The following SV2B variants were observed in gnomAD, a reference collection of about 807,000 sequenced individuals.
The protein encoded by SV2B is synaptic vesicle glycoprotein 2B, also known as solute carrier family 22 member B2.
SV2B carries 41 observed loss-of-function variants against 73.9 expected under a neutral mutation model. That is an observed-to-expected ratio of 0.56 (90% CI 0.43 to 0.72). SV2B has a LOEUF of 0.72. SV2B is among the 30% of genes least tolerant of loss of function. SV2B has a pLI of 0.00. For synonymous variants in SV2B, 314 were observed against 314.2 expected (o/e 1.00, Z 0.01); for missense variants, 764 against 857.8 (o/e 0.89, Z 1.37).
At chr15:91,104,495 G>A (rs534006093) in intron 1 of SV2B, among the ~76,000 whole-genome samples, 12 of 152,310 alleles carry the variant, frequency 7.9e-5, no homozygotes, top group South Asian at 2.1e-4. Flanking sequence ...GCCCAGAGTG[G>A]AAAGTTAGGA....
intron 1 of SV2B, among the ~76,000 whole-genome samples, chr15:91,153,645 G>T (rs1239786439): frequency 6.6e-6 from 1 of 152,132 alleles, no homozygotes; most frequent in Non-Finnish European, 1.5e-5. Context: ...CACCTGCCAA[G>T]GGCCGGTGCC....
At chr15:91,114,087 G>T (rs1477014678) in intron 1 of SV2B, among the ~76,000 whole-genome samples, 1 of 150,926 alleles carries the variant, frequency 6.6e-6, no homozygotes, top group African/African-American at 2.4e-5. Flanking sequence ...GGGAGGCTGA[G>T]GCAGGAGAAT....
rs1231682747 is a variant in SV2B at position 91,140,644 on chromosome 15, C to T, written c.-392+40281C>T. 1.3e-5 allele frequency among the ~76,000 whole-genome samples: 2 copies of T among 152,168 alleles called. No homozygotes were observed. The highest frequency in any genetic ancestry group is 2.9e-5 in the Non-Finnish European group (2 of 68,042). ...CCAACAGAGTGGAGAACATGTCTGACAGTCAGTTTTTCTTTCCACACTAGG... is the reference window on the plus strand; with the variant it reads ...CCAACAGAGTGGAGAACATGTCTGATAGTCAGTTTTTCTTTCCACACTAGG... On this transcript the variant is annotated intron_variant, in intron 1 of 12. Coordinates refer to ENST00000394232, the MANE Select transcript of SV2B (RefSeq NM_001323032.3). This position sits in a 1 kb window ranked among gnomAD's most constrained non-coding sequence, Gnocchi z 4.4.
chr15:91,251,423 T>C (rs2047476085), intron 2 of SV2B, among the ~76,000 whole-genome samples: 1 of 152,222 alleles, frequency 6.6e-6, no homozygotes, highest in African/African-American at 2.4e-5. Flanking sequence ...CTTCCTAATA[T>C]CCACTTTGCC....
chr15:91,155,946 C>T (rs947303015), intron 1 of SV2B, among the ~76,000 whole-genome samples: 1 of 152,010 alleles, frequency 6.6e-6, no homozygotes, highest in Non-Finnish European at 1.5e-5. Context: ...CTCTCAACAC[C>T]ATATTCTCTC....
chr15:91,272,949 C>T (rs368780519), intron 9 of SV2B, among the ~76,000 whole-genome samples: 98 of 149,602 alleles, frequency 6.6e-4, no homozygotes, highest in Middle Eastern at 6.8e-3. Flanking sequence ...TCTCCTGTGT[C>T]AGCCTCCTGA....
intron 6 of SV2B, among the ~76,000 whole-genome samples, chr15:91,263,643 GACAA>G (rs904300545): frequency 2.8e-4 from 40 of 142,168 alleles, no homozygotes; most frequent in African/African-American, 9.3e-4. Flanking sequence ...CGCACATTAA[GACAA>G]ACACACAGAC....
Position 91,251,847 on chromosome 15 carries a change from G to A in SV2B, c.480G>A (p.Ala160=), listed in dbSNP as rs538490934. 2.1e-5 allele frequency: 34 copies of A among 1,614,090 alleles called. No individual in the cohort carries two copies. Among genetic ancestry groups the A allele is most frequent in the Admixed American group, 6.7e-5 (4 of 60,020 alleles). ...LGMIVYLGMM[A]GAFILGGLAD... is the part of the protein sequence containing the mutation. ...TGATAGTCTACTTGGGAATGATGGC[G>A]GGCGCCTTCATCCTGGGAGGCCTGG... The change falls in exon 3 of 13, where the codon GCG becomes GCA. Residue 160 remains alanine, a synonymous_variant. Coordinates refer to ENST00000394232, the MANE Select transcript of SV2B (RefSeq NM_001323032.3).
intron 1 of SV2B, among the ~76,000 whole-genome samples, chr15:91,103,520 T>C (rs2041796255): frequency 6.6e-6 from 1 of 152,224 alleles, no homozygotes; most frequent in African/African-American, 2.4e-5. Context: ...TAATATCATA[T>C]GGCAAATTTA....
intron 1 of SV2B, among the ~76,000 whole-genome samples, chr15:91,167,439 C>T (rs2043955629): frequency 6.6e-6 from 1 of 152,164 alleles, no homozygotes; most frequent in Non-Finnish European, 1.5e-5. Flanking sequence ...GCCTGCATGT[C>T]TTCTGGAGAC....
At chr15:91,291,429 T>C (rs1215970294) in intron 12 of SV2B, among the ~76,000 whole-genome samples, 1 of 152,186 alleles carries the variant, frequency 6.6e-6, no homozygotes, top group Non-Finnish European at 1.5e-5. Context: ...ACACTCTTAA[T>C]AAACTTGTGG....
At chr15:91,191,416 TC>T (rs1042217048) in intron 1 of SV2B, among the ~76,000 whole-genome samples, 3 of 151,742 alleles carry the variant, frequency 2.0e-5, no homozygotes, top group Admixed American at 6.6e-5. Context: ...AAGTTATTAA[TC>T]CCCCCCACCT....
chr15:91,122,392 C>T lies in SV2B; in HGVS notation c.-392+22029C>T, dbSNP rs2042365120. ...GAAACAGTCTAGAAAGCAGGAATGGCTGGGGTTGATTTCCCTGTCTGAATA... is the reference window on the plus strand; with the variant it reads ...GAAACAGTCTAGAAAGCAGGAATGGTTGGGGTTGATTTCCCTGTCTGAATA... On this transcript the variant is annotated intron_variant, in intron 1 of 12. Transcript: ENST00000394232. The surrounding 1 kb of genome is among the most constrained non-coding windows in gnomAD (Gnocchi z 4.3). Among the ~76,000 whole-genome samples, 1 of 152,228 alleles carries T rather than the reference C, an allele frequency of 6.6e-6. No homozygotes were observed. The highest frequency in any genetic ancestry group is 2.4e-5 in the African/African-American group (1 of 41,460).
chr15:91,188,985 C>A (rs1352894725), intron 1 of SV2B, among the ~76,000 whole-genome samples: 5 of 152,088 alleles, frequency 3.3e-5, no homozygotes. Flanking sequence ...CACCACCATG[C>A]CTGGCTAATT....
chr15:91,191,901 G>T (rs1180528800), intron 1 of SV2B, among the ~76,000 whole-genome samples: 1 of 152,006 alleles, frequency 6.6e-6, no homozygotes, highest in African/African-American at 2.4e-5. Context: ...CTTTTATAAA[G>T]ATTTTTCTCT....
intron 1 of SV2B, among the ~76,000 whole-genome samples, chr15:91,207,376 A>G (rs193196288): frequency 7.0e-4 from 106 of 152,086 alleles, no homozygotes; most frequent in African/African-American, 2.5e-3. Flanking sequence ...ACTGAAGAAT[A>G]CCTTTGTGGT....
rs2045283605 is a variant in SV2B, at chr15:91,197,287, G to A, written c.-391-28586G>A. Among the ~76,000 whole-genome samples the A allele has an allele frequency of 6.6e-6, 1 of 152,098 alleles. No homozygotes were observed. The highest frequency in any genetic ancestry group is 2.1e-4 in the South Asian group (1 of 4,832). On this transcript the variant is annotated intron_variant, in intron 1 of 12. Coordinates refer to ENST00000394232, the MANE Select transcript of SV2B (RefSeq NM_001323032.3). The surrounding 1 kb of genome is among the most constrained non-coding windows in gnomAD (Gnocchi z 4.9). ...CTCGTTGCCCAGGCTGGAGTGCAAT[G>A]GCATGATCTCAGCTCACCGCAACCT...
At position 91,191,407 on chromosome 15, in the gene SV2B, A is replaced by G. The variant is rs149230967; in HGVS notation, c.-391-34466A>G. 9.1e-4 allele frequency among the ~76,000 whole-genome samples: 138 copies of G among 152,186 alleles called. 2 individuals carry two copies. In the South Asian group the frequency reaches 0.012, roughly 13 times the overall value. ...ACCCTTCCACCCTGATACATCATCA[A>G]GTTATTAATCCCCCCCACCTTCATA... On this transcript the variant is annotated intron_variant, in intron 1 of 12. Transcript: ENST00000394232.
rs2049111512 is a variant in SV2B, at chr15:91,293,341, T to C, written c.*789T>C. 6.6e-6 allele frequency: 1 copy of C among 152,238 alleles called. No homozygotes were observed. Among genetic ancestry groups the C allele is most frequent in the Non-Finnish European group, 1.5e-5 (1 of 68,036 alleles). 9.4% of individuals were successfully genotyped at this position (152,238 alleles called of 1,614,324 possible). On this transcript the variant is annotated 3_prime_UTR_variant, in exon 13 of 13. Coordinates refer to ENST00000394232, the MANE Select transcript of SV2B (RefSeq NM_001323032.3). Reference sequence around the variant, plus strand: ...TTAGCCATATTTTGGGAGAACTTGGTGTTTGAGGTCCCAGGAAATGAGGTC... The same window carrying C: ...TTAGCCATATTTTGGGAGAACTTGGCGTTTGAGGTCCCAGGAAATGAGGTC...
Sources: gnomAD v4.1 joint callset for allele counts (sites outside exome capture counted in the v4.1 genomes callset) on GRCh38, gnomAD v4.1.1 for gene constraint, Gnocchi (gnomAD v3.1) non-coding constraint, MANE v1.5 for transcripts, NCBI Gene and HGNC (gene_info 2026-07-23, HGNC 2026-07-21) for gene names.